Variants in PTPRM observed in about 807,000 individuals in gnomAD.
The protein encoded by PTPRM is receptor-type tyrosine-protein phosphatase mu.
A neutral mutation model predicts 186.7 loss-of-function variants in PTPRM; 47 were observed. The ratio of observed to expected loss-of-function variants is 0.25; its 90% CI spans 0.20 to 0.32. The LOEUF (loss-of-function observed/expected upper bound fraction) is 0.32, where lower values mean the gene tolerates loss of function less well. PTPRM is among the 10% of genes least tolerant of loss of function. PTPRM has a pLI of 1.00. For missense variants in PTPRM, 1,494 were observed against 1,865.0 expected (o/e 0.80, Z 3.66); for synonymous variants, 668 against 674.9 (o/e 0.99, Z 0.16).
chr18:7,570,325 CT>C (rs1360024148), intron 1 of PTPRM, among the ~76,000 whole-genome samples: 1 of 152,064 alleles, frequency 6.6e-6, no homozygotes. Flanking sequence ...TTTTATGTTT[CT>C]TCCAGAAATT....
At chr18:7,958,157 T>C (rs1214963260) in intron 7 of PTPRM, among the ~76,000 whole-genome samples, 1 of 145,282 alleles carries the variant, frequency 6.9e-6, no homozygotes, top group East Asian at 2.0e-4. Context: ...TACAATATCA[T>C]CCATCTTGTA....
At chr18:7,620,469 G>A (rs1248454814) in intron 1 of PTPRM, among the ~76,000 whole-genome samples, 1 of 152,100 alleles carries the variant, frequency 6.6e-6, no homozygotes, top group African/African-American at 2.4e-5. Context: ...GTCCTAGAGT[G>A]GGTGAAAGTG....
At position 8,406,786 on chromosome 18, in the gene PTPRM, T is replaced by A. The variant is rs1439002915; in HGVS notation, c.*624T>A. On this transcript the variant is annotated 3_prime_UTR_variant, in exon 33 of 33. Coordinates refer to ENST00000580170, the MANE Select transcript of PTPRM (RefSeq NM_001105244.2). ...ATCAGATTCACGGACCCAGAGCTTTTCCATGTGTTTATATTGTAAATATTT... is the reference window on the plus strand; with the variant it reads ...ATCAGATTCACGGACCCAGAGCTTTACCATGTGTTTATATTGTAAATATTT... The A allele has an allele frequency of 6.6e-6, 1 of 152,260 alleles. No individual in the cohort carries two copies. Among genetic ancestry groups the A allele is most frequent in the Non-Finnish European group, 1.5e-5 (1 of 68,054 alleles). 9.4% of individuals were successfully genotyped at this position (152,260 alleles called of 1,614,324 possible).
At chr18:8,085,922 C>T in intron 10 of PTPRM, 50 bp downstream of exon 10, 1 of 1,552,030 alleles carries the variant, frequency 6.4e-7, no homozygotes, top group East Asian at 2.2e-5. Flanking sequence ...ACATTTTTGT[C>T]CGTTTTCATT....
At chr18:7,984,572 C>CATGTATATAT (rs2082730932) in intron 7 of PTPRM, among the ~76,000 whole-genome samples, 1 of 88,702 alleles carries the variant, frequency 1.1e-5, no homozygotes, top group African/African-American at 5.2e-5. Flanking sequence ...ATATATGCCC[C>CATGTATATAT]ATATATATAT....
intron 3 of PTPRM, among the ~76,000 whole-genome samples, chr18:7,902,452 G>A (rs1202339522): frequency 6.6e-6 from 1 of 152,206 alleles, no homozygotes; most frequent in Admixed American, 6.5e-5. Flanking sequence ...GCAGGCTGAA[G>A]CTCTGTGCTG....
At chr18:8,367,295 C>T (rs1349937280) in intron 23 of PTPRM, among the ~76,000 whole-genome samples, 1 of 152,212 alleles carries the variant, frequency 6.6e-6, no homozygotes, top group East Asian at 1.9e-4. Flanking sequence ...AATGCCTGGG[C>T]CGCCTGTTCT....
At chr18:8,206,146 C>T (rs369692585) in intron 14 of PTPRM, among the ~76,000 whole-genome samples, 28 of 152,020 alleles carry the variant, frequency 1.8e-4, no homozygotes, top group South Asian at 6.3e-4. Flanking sequence ...TGAAGATGCA[C>T]CAAGAAATGG....
intron 1 of PTPRM, among the ~76,000 whole-genome samples, chr18:7,578,570 C>A (rs999586979): frequency 6.6e-6 from 1 of 151,762 alleles, no homozygotes; most frequent in East Asian, 1.9e-4. Flanking sequence ...CTCCTGACCT[C>A]GTGATCCGCC....
intron 14 of PTPRM, among the ~76,000 whole-genome samples, chr18:8,168,679 A>T (rs2093356686): frequency 6.6e-6 from 1 of 152,246 alleles, no homozygotes; most frequent in Non-Finnish European, 1.5e-5. Flanking sequence ...CAACTAAAAC[A>T]ATAGATAATC....
intron 9 of PTPRM, 107 bp from the exon 10 acceptor site, chr18:8,085,564 T>G (rs1279684715): frequency 1.0e-6 from 1 of 953,852 alleles, no homozygotes; most frequent in South Asian, 1.5e-5. Context: ...AGTAGGAGCT[T>G]ATCATAAAGT....
In PTPRM at chr18:7,896,285, C is replaced by G. The variant is rs998949126; in HGVS notation, c.468+7908C>G. On this transcript the variant is annotated intron_variant, in intron 3 of 32. Coordinates refer to ENST00000580170, the MANE Select transcript of PTPRM (RefSeq NM_001105244.2). ...TTATTGTGCTGATAAAAAAAAAGAACTCTGCTTTGATTCTGCACCCCCGCC... is the reference window on the plus strand; with the variant it reads ...TTATTGTGCTGATAAAAAAAAAGAAGTCTGCTTTGATTCTGCACCCCCGCC... 7.9e-5 allele frequency among the ~76,000 whole-genome samples: 12 copies of G among 152,044 alleles called. No individual in the cohort carries two copies. In the South Asian group the frequency reaches 2.5e-3, roughly 32 times the overall value.
rs1162859448 is a variant in PTPRM, at chr18:8,376,176, C to T, written c.3302C>T (p.Ala1101Val). 1.2e-6 allele frequency: 2 copies of T among 1,613,028 alleles called. No individual in the cohort carries two copies. The highest frequency in any genetic ancestry group is 1.3e-5 in the African/African-American group (1 of 75,038). The change falls in exon 25 of 33, where the codon GCA (alanine) becomes GTA (valine). Residue 1101 changes from alanine (A) to valine (V), a missense_variant. Transcript: ENST00000580170. ...RQVKSKSPPS[A>V]GPLVVHCSAG... ...GTCAAGTCCAAGAGCCCGCCCAGTG[C>T]AGGCCCACTGGTGGTGCACTGCAGG...
At chr18:7,643,879 C>A (rs969484923) in intron 1 of PTPRM, among the ~76,000 whole-genome samples, 5 of 152,066 alleles carry the variant, frequency 3.3e-5, no homozygotes, top group African/African-American at 1.2e-4. Flanking sequence ...TAATCTTAGT[C>A]ATTAATTTCA....
At chr18:8,184,810 C>A (rs988191772) in intron 14 of PTPRM, among the ~76,000 whole-genome samples, 1 of 152,082 alleles carries the variant, frequency 6.6e-6, no homozygotes, top group Non-Finnish European at 1.5e-5. Context: ...TTGTCACCTA[C>A]CACATGAGTG....
chr18:8,018,071 C>G (rs1054988840), intron 7 of PTPRM: 1 of 152,146 alleles, frequency 6.6e-6, no homozygotes, highest in Non-Finnish European at 1.5e-5. Flanking sequence ...AGGAAGTGGT[C>G]TTTTTGCCAA....
chr18:8,406,048 G>A, intron 32 of PTPRM, 61 bp from the exon 33 acceptor site: 1 of 1,455,294 alleles, frequency 6.9e-7, no homozygotes, highest in Admixed American at 1.7e-5. Flanking sequence ...TATGGTAATT[G>A]CTTTACTAGG....
intron 3 of PTPRM, among the ~76,000 whole-genome samples, chr18:7,902,411 T>C (rs2049743072): frequency 6.6e-6 from 1 of 152,168 alleles, no homozygotes; most frequent in Non-Finnish European, 1.5e-5. Flanking sequence ...TGAAGGCAGA[T>C]AGTTGCTGGG....
intron 14 of PTPRM, among the ~76,000 whole-genome samples, chr18:8,162,773 A>G (rs2093254872): frequency 2.6e-5 from 4 of 152,210 alleles, no homozygotes; most frequent in Non-Finnish European, 4.4e-5. Context: ...TCCACCCCAT[A>G]CACACATCTT....
Sources: gnomAD v4.1 joint callset for allele counts (sites outside exome capture counted in the v4.1 genomes callset) on GRCh38, gnomAD v4.1.1 for gene constraint, MANE v1.5 for transcripts, NCBI Gene and HGNC (gene_info 2026-07-23, HGNC 2026-07-21) for gene names.